Variants in EEIG2 observed in about 807,000 individuals in gnomAD.
The protein encoded by EEIG2 is EEIG family member 2.
the EEIG2 span, among the ~76,000 whole-genome samples, chr1:108,580,757 T>A: frequency 6.6e-6 from 1 of 152,080 alleles, no homozygotes; most frequent in Non-Finnish European, 1.5e-5. Context: ...AAAAGAAAAG[T>A]TTGAAGCTAG....
At chr1:108,605,078 A>C in the EEIG2 span, among the ~76,000 whole-genome samples, 1 of 152,012 alleles carries the variant, frequency 6.6e-6, no homozygotes, top group Non-Finnish European at 1.5e-5. Context: ...AAAAAGAACT[A>C]TTGCAGAGGG....
At chr1:108,628,141 T>G in the EEIG2 span, 1 of 1,604,702 alleles carries the variant, frequency 6.2e-7, no homozygotes, top group African/African-American at 1.3e-5. Flanking sequence ...GCAATAAGAA[T>G]GACATCATGT....
the EEIG2 span, chr1:108,624,646 C>A: frequency 6.2e-7 from 1 of 1,612,960 alleles, no homozygotes; most frequent in South Asian, 1.1e-5. Flanking sequence ...TATTTACAGG[C>A]CTCCCTCCAC....
the EEIG2 span, chr1:108,637,187 A>T: frequency 4.6e-5 from 7 of 152,220 alleles, no homozygotes; most frequent in Non-Finnish European, 8.8e-5. Context: ...CATAAAAATC[A>T]TGCCTTTATA....
the EEIG2 span, among the ~76,000 whole-genome samples, chr1:108,618,986 T>G: frequency 6.6e-6 from 1 of 152,224 alleles, no homozygotes; most frequent in African/African-American, 2.4e-5. Flanking sequence ...CTATTTTTGG[T>G]GTCTCAGGTA....
the EEIG2 span, among the ~76,000 whole-genome samples, chr1:108,632,513 A>G: frequency 6.6e-6 from 1 of 152,240 alleles, no homozygotes; most frequent in Non-Finnish European, 1.5e-5. Flanking sequence ...AAAGACCAGT[A>G]GCAGGGGGAA....
the EEIG2 span, among the ~76,000 whole-genome samples, chr1:108,572,376 C>T: frequency 6.6e-6 from 1 of 152,244 alleles, no homozygotes; most frequent in South Asian, 2.1e-4. Context: ...CATCCTGCCA[C>T]ACGGTCGTAC....
chr1:108,582,749 G>A, the EEIG2 span, among the ~76,000 whole-genome samples: 1 of 152,154 alleles, frequency 6.6e-6, no homozygotes, highest in Non-Finnish European at 1.5e-5. Context: ...AAGATCTTCA[G>A]GGTAGAAATG....
chr1:108,628,458 C>T, the EEIG2 span: 1 of 1,614,058 alleles, frequency 6.2e-7, no homozygotes, highest in Non-Finnish European at 8.5e-7. Context: ...AGAAATACCT[C>T]AGTGGGAAGC....
the EEIG2 span, among the ~76,000 whole-genome samples, chr1:108,613,444 A>G: frequency 1.3e-5 from 2 of 152,178 alleles, no homozygotes; most frequent in African/African-American, 4.8e-5. Flanking sequence ...TATTTCTTAT[A>G]TGAAAAGATG....
At chr1:108,561,764 T>G in the EEIG2 span, among the ~76,000 whole-genome samples, 1 of 152,172 alleles carries the variant, frequency 6.6e-6, no homozygotes. Context: ...CCTATTTTGG[T>G]GCAAAAAAAA....
chr1:108,569,393 G>A, the EEIG2 span, among the ~76,000 whole-genome samples: 1 of 152,192 alleles, frequency 6.6e-6, no homozygotes, highest in Admixed American at 6.5e-5. Context: ...GTGGCACGAT[G>A]ATAGCTCATT....
At chr1:108,607,092 AAGG>A in the EEIG2 span, among the ~76,000 whole-genome samples, 25 of 152,364 alleles carry the variant, frequency 1.6e-4, 1 homozygote, top group South Asian at 4.8e-3. Flanking sequence ...GTTACAAAAC[AAGG>A]AGATGTGAGA....
the EEIG2 span, among the ~76,000 whole-genome samples, chr1:108,618,233 G>C: frequency 6.6e-6 from 1 of 152,162 alleles, no homozygotes; most frequent in African/African-American, 2.4e-5. Flanking sequence ...GTTGGAGGGA[G>C]GAAGGCAGAG....
the EEIG2 span, chr1:108,637,659 G>C: frequency 6.6e-6 from 1 of 152,076 alleles, no homozygotes; most frequent in South Asian, 2.1e-4. Context: ...TTCTAATTAT[G>C]TCTTTTCTAT....
chr1:108,601,161 C>G, the EEIG2 span, among the ~76,000 whole-genome samples: 1 of 151,930 alleles, frequency 6.6e-6, no homozygotes, highest in Non-Finnish European at 1.5e-5. Context: ...GACTCCAAGT[C>G]TGTTTTCTTT....
the EEIG2 span, among the ~76,000 whole-genome samples, chr1:108,631,448 A>AAAAGTCATAACATTATAATAAAT: frequency 6.6e-6 from 1 of 152,238 alleles, no homozygotes; most frequent in Admixed American, 6.5e-5. Context: ...TGGACAAACT[A>AAAAGTCATAACATTATAATAAAT]AAAGTCATAA....
At chr1:108,570,559 G>A in the EEIG2 span, among the ~76,000 whole-genome samples, 57 of 152,170 alleles carry the variant, frequency 3.7e-4, no homozygotes, top group Non-Finnish European at 1.5e-4. Flanking sequence ...CACAAGGAAT[G>A]GGAGAGGAAG....
the EEIG2 span, among the ~76,000 whole-genome samples, chr1:108,597,444 G>T: frequency 3.3e-5 from 5 of 152,286 alleles, no homozygotes; most frequent in African/African-American, 1.2e-4. Context: ...AGATCCTTCT[G>T]TTTCATCTTA....
Sources: gnomAD v4.1 joint callset for allele counts (sites outside exome capture counted in the v4.1 genomes callset) on GRCh38, gnomAD v4.1.1 for gene constraint, MANE v1.5 for transcripts, NCBI Gene and HGNC (gene_info 2026-07-23, HGNC 2026-07-21) for gene names.